VEPH1: variants seen among roughly 807,000 people sequenced by gnomAD.
VEPH1 encodes ventricular zone expressed PH domain containing 1.
Under a neutral mutation model 85.2 loss-of-function variants are expected in VEPH1, and 80 were observed. The observed-to-expected ratio is 0.94, with a 90% CI of 0.78 to 1.13. The LOEUF is 1.13. Ranked by LOEUF, VEPH1 falls within the 50% of genes most tolerant of loss-of-function variation. The pLI is 0.00. For missense variants in VEPH1, 955 were observed against 980.5 expected (o/e 0.97, Z 0.35); for synonymous variants, 297 against 348.0 (o/e 0.85, Z 1.63).
At chr3:157,301,902 A>G (rs1353958618) in intron 11 of VEPH1, among the ~76,000 whole-genome samples, 1 of 152,144 alleles carries the variant, frequency 6.6e-6, no homozygotes, top group Non-Finnish European at 1.5e-5. Context: ...GTCACTTCAT[A>G]TTTGGATATC....
rs149263788 is a variant in VEPH1 at position 157,439,532 on chromosome 3, C to A, written c.530-11044G>T. 1.4e-3 allele frequency among the ~76,000 whole-genome samples: 218 copies of A among 152,196 alleles called. 1 individual carries two copies. Among genetic ancestry groups the A allele is most frequent in the African/African-American group, 5.1e-3 (211 of 41,514 alleles). Reference sequence around the variant, plus strand: ...TGACATTTTAAAGAGGTATTAAGAGCCTCGTTTTTGGGTATCCCTGGTCCC... The same window carrying A: ...TGACATTTTAAAGAGGTATTAAGAGACTCGTTTTTGGGTATCCCTGGTCCC... On this transcript the variant is annotated intron_variant, in intron 4 of 13. Coordinates refer to ENST00000362010, the MANE Select transcript of VEPH1 (RefSeq NM_001167912.2).
rs192573466 is a variant in VEPH1, at chr3:157,343,877, G to A, written c.1735+19487C>T. ...GGGATGCAAGGCTGATTCAACATAC[G>A]CAAATCAATAAATGTAATCCAGAAT... On this transcript the variant is annotated intron_variant, in intron 9 of 13. Coordinates refer to ENST00000362010, the MANE Select transcript of VEPH1 (RefSeq NM_001167912.2). Among the ~76,000 whole-genome samples the A allele has an allele frequency of 4.3e-3, 647 of 152,188 alleles. 10 individuals carry two copies. Among genetic ancestry groups the A allele is most frequent in the Admixed American group, 0.025 (389 of 15,290 alleles).
At chr3:157,443,168 C>G in intron 4 of VEPH1, 1 of 652,008 alleles carries the variant, frequency 1.5e-6, no homozygotes, top group South Asian at 2.8e-5. Flanking sequence ...TTGGAAAAAG[C>G]TTTTGAGGAT....
Position 157,481,441 on chromosome 3 carries a change from C to CAT in VEPH1, c.139-10913_139-10912insAT, listed in dbSNP as rs1434799141. Among the ~76,000 whole-genome samples, 7 of 61,598 alleles carry CAT rather than the reference C, an allele frequency of 1.1e-4. 1 individual carries two copies. The highest frequency in any genetic ancestry group is 7.1e-4 in the African/African-American group (7 of 9,830). The allele number at this position is 61,598 out of a possible 152,430, so 40.4% of individuals were successfully genotyped here. On this transcript the variant is annotated intron_variant, in intron 2 of 13. Coordinates refer to ENST00000362010, the MANE Select transcript of VEPH1 (RefSeq NM_001167912.2). Reference sequence around the variant, plus strand: ...AAATTCATATGGAACCAAACACACACACACACACACACACACACACACACA... The same window carrying CAT: ...AAATTCATATGGAACCAAACACACACATACACACACACACACACACACACACA...
At chr3:157,391,205 A>G (rs1442247523) in intron 6 of VEPH1, among the ~76,000 whole-genome samples, 1 of 152,212 alleles carries the variant, frequency 6.6e-6, no homozygotes, top group Non-Finnish European at 1.5e-5. Context: ...AGCCAGCCCA[A>G]TGGTCACAAG....
chr3:157,432,277 T>G (rs376165800), intron 4 of VEPH1, among the ~76,000 whole-genome samples: 18 of 152,340 alleles, frequency 1.2e-4, no homozygotes, highest in African/African-American at 4.1e-4. Context: ...TCTGAGCTAC[T>G]GAATGAATTT....
chr3:157,444,850 TA>T (rs1260226581), intron 4 of VEPH1, among the ~76,000 whole-genome samples: 3 of 152,182 alleles, frequency 2.0e-5, no homozygotes, highest in African/African-American at 4.8e-5. Context: ...ATACTTGGGT[TA>T]AAAAAGTAGA....
chr3:157,317,057 C>T lies in VEPH1; in HGVS notation c.1875+5G>A, dbSNP rs1217845521. On this transcript the variant is annotated splice_donor_5th_base_variant and intron_variant, in intron 10 of 13. Coordinates refer to ENST00000362010, the MANE Select transcript of VEPH1 (RefSeq NM_001167912.2). ...AAGAGCCTGATGAACACAAATTATACAAACCTGCTGAAATAGAAACATGAT... is the reference window on the plus strand; with the variant it reads ...AAGAGCCTGATGAACACAAATTATATAAACCTGCTGAAATAGAAACATGAT... 6.2e-7 allele frequency: 1 copy of T among 1,608,016 alleles called. No homozygotes were observed. Among genetic ancestry groups the T allele is most frequent in the African/African-American group, 1.3e-5 (1 of 74,646 alleles).
At chr3:157,416,708 G>A (rs1409750730) in intron 5 of VEPH1, among the ~76,000 whole-genome samples, 1 of 151,430 alleles carries the variant, frequency 6.6e-6, no homozygotes, top group African/African-American at 2.4e-5. Context: ...TACGTCCCAA[G>A]CTACACAGCA....
At chr3:157,284,050 C>G (rs1716471359) in intron 12 of VEPH1, among the ~76,000 whole-genome samples, 1 of 152,196 alleles carries the variant, frequency 6.6e-6, no homozygotes, top group Non-Finnish European at 1.5e-5. Context: ...GCGGTGACTT[C>G]TCTCAGGGAG....
chr3:157,328,022 G>A (rs186738128), intron 9 of VEPH1, among the ~76,000 whole-genome samples: 2 of 152,270 alleles, frequency 1.3e-5, no homozygotes, highest in Admixed American at 6.5e-5. Context: ...TACCAGCTGT[G>A]TGTCTTTGGG....
At chr3:157,273,348 A>T (rs1577207303) in intron 12 of VEPH1, among the ~76,000 whole-genome samples, 1 of 152,200 alleles carries the variant, frequency 6.6e-6, no homozygotes, top group African/African-American at 2.4e-5. Context: ...AAGTGAGTAC[A>T]GAGTGGGATA....
intron 6 of VEPH1, among the ~76,000 whole-genome samples, chr3:157,406,281 G>A (rs1240082002): frequency 1.3e-5 from 2 of 152,084 alleles, no homozygotes; most frequent in Non-Finnish European, 1.5e-5. Flanking sequence ...TAAGTCACAG[G>A]TCCTTCCTCT....
chr3:157,280,045 G>A (rs1715901099), intron 12 of VEPH1, among the ~76,000 whole-genome samples: 1 of 146,986 alleles, frequency 6.8e-6, no homozygotes, highest in Admixed American at 6.8e-5. Flanking sequence ...GACCAGTATA[G>A]TACCAGTATT....
chr3:157,262,877 A>C (rs1359953754), intron 13 of VEPH1, among the ~76,000 whole-genome samples: 1 of 152,216 alleles, frequency 6.6e-6, no homozygotes, highest in Non-Finnish European at 1.5e-5. Flanking sequence ...GGTTTACAGT[A>C]AGTATCTGAC....
At chr3:157,502,788 C>T (rs376007175) in intron 1 of VEPH1, among the ~76,000 whole-genome samples, 1 of 152,116 alleles carries the variant, frequency 6.6e-6, no homozygotes, top group East Asian at 1.9e-4. Context: ...ATCTGAAACA[C>T]CAAAGGAAAA....
At chr3:157,486,428 G>T (rs1245160940) in intron 2 of VEPH1, among the ~76,000 whole-genome samples, 1 of 150,990 alleles carries the variant, frequency 6.6e-6, no homozygotes, top group Non-Finnish European at 1.5e-5. Context: ...CCCAGGAGGC[G>T]GAGGTTGCAG....
rs1577802456 is a variant in VEPH1 at position 157,490,817 on chromosome 3, T to C, written c.138+4395A>G. 4.6e-5 allele frequency among the ~76,000 whole-genome samples: 7 copies of C among 152,308 alleles called. 1 individual carries two copies. The South Asian group carries it at 1.4e-3, about 32-fold the overall frequency. On this transcript the variant is annotated intron_variant, in intron 2 of 13. Coordinates refer to ENST00000362010, the MANE Select transcript of VEPH1 (RefSeq NM_001167912.2). ...TTACAAGTATTTAGAACTTTAGAAA[T>C]AATTGGCCAAAATTGCCAATTACAA...
At chr3:157,266,458 A>G (rs1473212211) in intron 12 of VEPH1, among the ~76,000 whole-genome samples, 2 of 152,076 alleles carry the variant, frequency 1.3e-5, no homozygotes, top group East Asian at 1.9e-4. Context: ...TGTTTCTTAT[A>G]TATCAGGGAT....
Sources: gnomAD v4.1 joint callset for allele counts (sites outside exome capture counted in the v4.1 genomes callset) on GRCh38, gnomAD v4.1.1 for gene constraint, MANE v1.5 for transcripts, NCBI Gene and HGNC (gene_info 2026-07-23, HGNC 2026-07-21) for gene names.